The following THAP4 variants were observed in gnomAD, a reference collection of about 807,000 sequenced individuals.
THAP4 encodes the protein peroxynitrite isomerase THAP4.
A neutral mutation model predicts 48.1 loss-of-function variants in THAP4; 18 were observed. The ratio of observed to expected loss-of-function variants is 0.37; its 90% CI spans 0.26 to 0.56. THAP4 has a LOEUF of 0.56. Ranked by LOEUF, THAP4 falls within the 20% of genes least tolerant of loss-of-function variation. The probability of loss-of-function intolerance (pLI) is 0.78; values close to 1 mark genes in which losing one functional copy is unlikely to be tolerated. For synonymous variants in THAP4, 345 were observed against 324.9 expected (o/e 1.06, Z -0.66); for missense variants, 656 against 774.9 (o/e 0.85, Z 1.82).
chr2:241,606,510 T>A (rs1450322006), intron 2 of THAP4, 37 bp from the exon 3 acceptor site: 1 of 1,550,174 alleles, frequency 6.5e-7, no homozygotes, highest in Admixed American at 1.9e-5. Context: ...GTGGCCTCCC[T>A]CCAACCATGC....
At chr2:241,625,820 A>AAG (rs2067490289) in intron 2 of THAP4, among the ~76,000 whole-genome samples, 1 of 146,846 alleles carries the variant, frequency 6.8e-6, no homozygotes, top group African/African-American at 2.6e-5. Context: ...AAAAAAAAAA[A>AAG]AAAAGAAAAA....
At chr2:241,606,600 C>G in intron 2 of THAP4, 127 bp from the exon 3 acceptor site, 2 of 915,812 alleles carry the variant, frequency 2.2e-6, no homozygotes, top group African/African-American at 1.7e-5. Context: ...GGGGACCTGT[C>G]AAGAGCGGGA....
At chr2:241,607,591 C>T (rs2067199033) in intron 2 of THAP4, among the ~76,000 whole-genome samples, 1 of 151,338 alleles carries the variant, frequency 6.6e-6, no homozygotes, top group African/African-American at 2.4e-5. Context: ...AGAAGCAGCT[C>T]TGTGGCCGCA....
chr2:241,620,367 T>G (rs1002762088), intron 2 of THAP4, among the ~76,000 whole-genome samples: 4 of 54,036 alleles, frequency 7.4e-5, no homozygotes, highest in Admixed American at 2.4e-4. Context: ...AGTCGGTGAG[T>G]GAGGGGTGAG....
chr2:241,593,388 C>T (rs902366348), intron 5 of THAP4, among the ~76,000 whole-genome samples: 3 of 152,242 alleles, frequency 2.0e-5, no homozygotes, highest in African/African-American at 7.2e-5. Flanking sequence ...CCTGCAACAG[C>T]CCCCGACTGG....
chr2:241,593,357 G>C lies in THAP4; in HGVS notation c.1614+8539C>G, dbSNP rs544338714. ...CAGAGCTCTGAGGTGAGGCCTCCCG[G>C]GTGAGGACAGCACTGTGTCTCCTGC... On this transcript the variant is annotated intron_variant, in intron 5 of 5. Transcript: ENST00000407315. 2.4e-3 allele frequency among the ~76,000 whole-genome samples: 362 copies of C among 152,350 alleles called. 2 individuals are homozygous for C. The highest frequency in any genetic ancestry group is 8.2e-3 in the African/African-American group (342 of 41,574).
intron 3 of THAP4, among the ~76,000 whole-genome samples, chr2:241,604,911 T>C (rs2067160269): frequency 6.6e-6 from 1 of 152,222 alleles, no homozygotes; most frequent in African/African-American, 2.4e-5. Context: ...GAATGGTACA[T>C]GCTCACTAAC....
intron 5 of THAP4, chr2:241,594,491 C>G: frequency 4.7e-6 from 1 of 212,488 alleles, no homozygotes; most frequent in South Asian, 6.7e-5. Flanking sequence ...TTGGGAGGCC[C>G]AGGTGGGTAT....
chr2:241,584,882 CA>C, intron 5 of THAP4, 157 bp from the exon 6 acceptor site: 4 of 860,942 alleles, frequency 4.6e-6, no homozygotes, highest in Non-Finnish European at 7.4e-6. Flanking sequence ...GGCCCCTGGG[CA>C]TGTCACAATC....
intron 2 of THAP4, among the ~76,000 whole-genome samples, chr2:241,608,202 A>AC (rs2067212696): frequency 6.6e-6 from 1 of 152,186 alleles, no homozygotes; most frequent in Non-Finnish European, 1.5e-5. Flanking sequence ...GGAGGGCCGC[A>AC]CATGTGGCCT....
intron 2 of THAP4, among the ~76,000 whole-genome samples, chr2:241,609,833 C>T (rs1427800428): frequency 6.6e-6 from 1 of 152,132 alleles, no homozygotes; most frequent in African/African-American, 2.4e-5. Context: ...GTTTTTGGGC[C>T]GGCTCTCTGG....
chr2:241,631,400 T>G (rs2067559099), intron 2 of THAP4, among the ~76,000 whole-genome samples: 1 of 152,176 alleles, frequency 6.6e-6, no homozygotes. Flanking sequence ...AAACCAATTT[T>G]AAGAAATACT....
chr2:241,632,955 C>T lies in THAP4; in HGVS notation c.1202G>A (p.Ser401Asn). ...CAGCAGGCTACTTGGATAGGGGACG[C>T]TCACTCTCCTCAGCTCATCCAGCTT... ...QEKLDELRRV[S>N]VPYPSSLLSP... The change falls in exon 2 of 6, where the codon AGC becomes AAC. Residue 401 changes from serine to asparagine, a missense_variant. This residue lies in a region of THAP4 where 176 missense variants were observed against 256.7 expected (regional missense o/e 0.69). Coordinates refer to ENST00000407315, the MANE Select transcript of THAP4 (RefSeq NM_015963.6). The T allele has an allele frequency of 6.2e-7, 1 of 1,611,738 alleles. No homozygotes were observed.
At position 241,584,595 on chromosome 2, in the gene THAP4, A is replaced by G. The variant is rs1181183259; in HGVS notation, c.*11T>C. ...AGCCAGGCCCTCCCGAGGGCTCCAG[A>G]AGCTCTAGGTTTACGGGGTCACCTT... On this transcript the variant is annotated 3_prime_UTR_variant, in exon 6 of 6. Coordinates refer to ENST00000407315, the MANE Select transcript of THAP4 (RefSeq NM_015963.6). 1.2e-6 allele frequency: 2 copies of G among 1,613,764 alleles called. No individual in the cohort carries two copies. The highest frequency in any genetic ancestry group is 2.2e-5 in the South Asian group (2 of 91,070).
chr2:241,608,233 G>C (rs1386759921), intron 2 of THAP4, among the ~76,000 whole-genome samples: 2 of 152,184 alleles, frequency 1.3e-5, no homozygotes, highest in Non-Finnish European at 2.9e-5. Flanking sequence ...CCGAGCCCTG[G>C]GGCCCAGAGT....
rs138323621 is a variant in THAP4, at chr2:241,595,969, C to T, written c.1614+5927G>A. 7.5e-3 allele frequency among the ~76,000 whole-genome samples: 1,135 copies of T among 152,296 alleles called. 6 individuals are homozygous for T. Among genetic ancestry groups the T allele is most frequent in the Non-Finnish European group, 0.013 (852 of 68,020 alleles). On this transcript the variant is annotated intron_variant, in intron 5 of 5. Transcript: ENST00000407315. Reference sequence around the variant, plus strand: ...CGATGCTGGGCAATGGAGCGCGTCCCGTGGGCTGCACGTGGAAAGGATGCT... The same window carrying T: ...CGATGCTGGGCAATGGAGCGCGTCCTGTGGGCTGCACGTGGAAAGGATGCT...
chr2:241,635,868 G>A (rs188536331), intron 1 of THAP4, among the ~76,000 whole-genome samples: 37 of 152,310 alleles, frequency 2.4e-4, no homozygotes, highest in Non-Finnish European at 3.2e-4. Context: ...TGAGGCCAGT[G>A]TGGACCAGGA....
chr2:241,617,715 C>T (rs907701133), intron 2 of THAP4, among the ~76,000 whole-genome samples: 1 of 152,142 alleles, frequency 6.6e-6, no homozygotes, highest in African/African-American at 2.4e-5. Flanking sequence ...GCGGCTTCTA[C>T]CCTCAGCCTC....
At chr2:241,637,197 A>AGCCCCC (rs2067687159), upstream of THAP4, 7 of 983,610 alleles carry the variant, frequency 7.1e-6, no homozygotes, top group Admixed American at 1.9e-4. Context: ...CCCCCGCCCC[A>AGCCCCC]GCCCCCGCCC....
Sources: allele counts gnomAD v4.1 joint callset (sites outside exome capture counted in the v4.1 genomes callset), GRCh38; gene constraint gnomAD v4.1.1; regional missense constraint gnomAD v4.1.1; transcripts MANE v1.5; gene names NCBI Gene and HGNC (gene_info 2026-07-23, HGNC 2026-07-21).